The following PREP variants were observed in gnomAD, a reference collection of about 807,000 sequenced individuals.
The protein encoded by PREP is prolyl endopeptidase.
A neutral mutation model predicts 87.6 loss-of-function variants in PREP; 29 were observed. The ratio of observed to expected loss-of-function variants is 0.33; its 90% CI spans 0.25 to 0.45. The LOEUF (loss-of-function observed/expected upper bound fraction) is 0.45. PREP is among the 20% of genes least tolerant of loss of function. The pLI is 1.00. For missense variants in PREP, 695 were observed against 886.5 expected (o/e 0.78, Z 2.74); for synonymous variants, 337 against 328.6 (o/e 1.03, Z -0.28).
Position 105,285,505 on chromosome 6 carries a change from A to G in PREP, c.1530T>C (p.Tyr510=), listed in dbSNP as rs1003775176. 1 of 1,613,790 alleles carries G rather than the reference A, an allele frequency of 6.2e-7. No individual in the cohort carries two copies. The highest frequency in any genetic ancestry group is 8.5e-7 in the Non-Finnish European group (1 of 1,179,792). Residue 510 remains tyrosine (Y), a synonymous_variant, in exon 12 of 15, where the codon TAT becomes TAC. Coordinates refer to ENST00000652536, the MANE Select transcript of PREP (RefSeq NM_002726.5). The part of the protein sequence containing the change: ...AVANIRGGGE[Y]GETWHKGGIL... ...CCTCACCTTTATGCCACGTCTCTCC[A>G]TATTCGCCACCTCCTCTGATGTTGG...
intron 10 of PREP, among the ~76,000 whole-genome samples, chr6:105,291,058 C>A (rs546476210): frequency 6.6e-6 from 1 of 152,268 alleles, no homozygotes; most frequent in East Asian, 1.9e-4. Flanking sequence ...AGACTGTAGT[C>A]TATTAAGTAT....
intron 7 of PREP, among the ~76,000 whole-genome samples, chr6:105,339,448 T>C (rs377152890): frequency 7.7e-4 from 118 of 152,272 alleles, no homozygotes; most frequent in South Asian, 2.7e-3. Context: ...GCAGAAAAGC[T>C]GAAAATTCTA....
intron 2 of PREP, among the ~76,000 whole-genome samples, chr6:105,382,270 AAC>A (rs146759488): frequency 0.083 from 11,883 of 142,810 alleles, 563 homozygotes; most frequent in Non-Finnish European, 0.11. Context: ...AAGCGTTCTC[AAC>A]ACACACACAC....
chr6:105,305,498 C>T (rs560129181), intron 10 of PREP, among the ~76,000 whole-genome samples: 73 of 151,952 alleles, frequency 4.8e-4, no homozygotes, highest in African/African-American at 1.3e-3. Flanking sequence ...GGCGTAGAGG[C>T]GGTATCACAA....
chr6:105,285,609 C>A, intron 11 of PREP, 29 bp from the exon 12 acceptor site: 1 of 1,554,318 alleles, frequency 6.4e-7, no homozygotes. Flanking sequence ...AGTTAACCTT[C>A]CATTAACTGC....
chr6:105,356,146 G>T (rs74506880), intron 6 of PREP, among the ~76,000 whole-genome samples: 2 of 151,962 alleles, frequency 1.3e-5, no homozygotes, highest in South Asian at 4.2e-4. Context: ...TTTGAATGTT[G>T]TCTGGATTTC....
intron 10 of PREP, among the ~76,000 whole-genome samples, chr6:105,321,238 C>T (rs1158537958): frequency 6.6e-6 from 1 of 152,166 alleles, no homozygotes; most frequent in Non-Finnish European, 1.5e-5. Flanking sequence ...TGAAGAGCAA[C>T]GCATTAAGAT....
In PREP at chr6:105,328,928, G is replaced by A. The variant is rs1199936561; in HGVS notation, c.1114C>T (p.Leu372Phe). 1 of 1,614,152 alleles carries A rather than the reference G, an allele frequency of 6.2e-7. No individual in the cohort carries two copies. The highest frequency in any genetic ancestry group is 1.7e-5 in the Admixed American group (1 of 60,016). Residue 372 changes from leucine to phenylalanine, a missense_variant, in exon 9 of 15, where the codon CTT becomes TTT. This residue lies in a region of PREP where 517 missense variants were observed against 620.3 expected (regional missense o/e 0.83). Transcript: ENST00000652536. ...QLHDLTTGAL[L>F]KTFPLDVGSI... ...CCGACATCGAGCGGGAAGGTCTTAA[G>A]GAGAGCACCAGTAGTCAGGTCATGG...
At chr6:105,313,324 G>A (rs1204768098) in intron 10 of PREP, among the ~76,000 whole-genome samples, 2 of 152,210 alleles carry the variant, frequency 1.3e-5, no homozygotes, top group African/African-American at 2.4e-5. Flanking sequence ...GAGGGGAGGG[G>A]AGGGAAGAAA....
At position 105,368,957 on chromosome 6, in the gene PREP, T is replaced by C; in HGVS notation, c.663A>G (p.Glu221=). 6.2e-7 allele frequency: 1 copy of C among 1,614,084 alleles called. No homozygotes were observed. The highest frequency in any genetic ancestry group is 8.5e-7 in the Non-Finnish European group (1 of 1,179,972). ...YYHVLGTDQS[E]DILCAEFPDE... ...CAGGAAACTCAGCACACAAAATATC[T>C]TCTGACTGATCGGTTCCCAAGACAT... Residue 221 remains glutamate (E), a synonymous_variant, in exon 6 of 15, where the codon GAA becomes GAG. Coordinates refer to ENST00000652536, the MANE Select transcript of PREP (RefSeq NM_002726.5).
intron 14 of PREP, chr6:105,280,751 C>T (rs980208678): frequency 1.3e-5 from 2 of 152,038 alleles, no homozygotes; most frequent in African/African-American, 4.8e-5. Flanking sequence ...TTTGTAGAGA[C>T]AGTACAGTAT....
At chr6:105,376,585 G>T in intron 3 of PREP, among the ~76,000 whole-genome samples, 1 of 152,172 alleles carries the variant, frequency 6.6e-6, no homozygotes, top group East Asian at 1.9e-4. Context: ...GAAGAAGAAA[G>T]CAGACTTTTC....
rs956892969 is a variant in PREP at position 105,360,432 on chromosome 6, G to T, written c.718-7355C>A. 2.6e-5 allele frequency among the ~76,000 whole-genome samples: 4 copies of T among 152,152 alleles called. No homozygotes were observed. The East Asian group carries it at 5.8e-4, about 22-fold the overall frequency. ...CTTCTACTTTTGAAGACGAAACCCA[G>T]TAACAGCTATCATTCTAACTTACAT... On this transcript the variant is annotated intron_variant, in intron 6 of 14. Coordinates refer to ENST00000652536, the MANE Select transcript of PREP (RefSeq NM_002726.5).
intron 10 of PREP, chr6:105,298,096 C>T (rs1364662625): frequency 1.3e-5 from 2 of 152,220 alleles, no homozygotes; most frequent in Non-Finnish European, 2.9e-5. Flanking sequence ...ATTTCATTTT[C>T]TTCTTCTTTA....
intron 5 of PREP, among the ~76,000 whole-genome samples, chr6:105,370,302 C>CAAAAAAAAAAAAAAAAAAAAAAA (rs71549435): frequency 1.3e-5 from 1 of 78,032 alleles, no homozygotes; most frequent in African/African-American, 4.3e-5. Context: ...GACTCCATCT[C>CAAAAAAAAAAAAAAAAAAAAAAA]AAAAAAAAAA....
At chr6:105,294,732 T>C (rs1180660854) in intron 10 of PREP, among the ~76,000 whole-genome samples, 1 of 152,202 alleles carries the variant, frequency 6.6e-6, no homozygotes, top group Non-Finnish European at 1.5e-5. Flanking sequence ...AGAGCCTGAA[T>C]TTCTTCTGCA....
intron 2 of PREP, among the ~76,000 whole-genome samples, chr6:105,393,085 C>T (rs747396725): frequency 9.9e-5 from 15 of 152,192 alleles, no homozygotes; most frequent in African/African-American, 2.9e-4. Context: ...GCAGCATGAA[C>T]ATTTTCTATT....
chr6:105,314,674 T>C (rs1388523920), intron 10 of PREP, among the ~76,000 whole-genome samples: 3 of 152,198 alleles, frequency 2.0e-5, no homozygotes, highest in East Asian at 3.8e-4. Flanking sequence ...CTGCAGTGAC[T>C]TCCCCCATAG....
At chr6:105,343,115 G>T (rs527695480) in intron 7 of PREP, among the ~76,000 whole-genome samples, 1 of 152,304 alleles carries the variant, frequency 6.6e-6, no homozygotes, top group East Asian at 1.9e-4. Context: ...CACGCTACCT[G>T]ACTTCAAACT....
Sources: allele counts gnomAD v4.1 joint callset (sites outside exome capture counted in the v4.1 genomes callset), GRCh38; gene constraint gnomAD v4.1.1; regional missense constraint gnomAD v4.1.1; transcripts MANE v1.5; gene names NCBI Gene and HGNC (gene_info 2026-07-23, HGNC 2026-07-21).